The following KRIT1 variants were observed in gnomAD, a reference collection of about 807,000 sequenced individuals.
The protein encoded by KRIT1 is KRIT1 ankyrin repeat containing.
Under a neutral mutation model 95.8 loss-of-function variants are expected in KRIT1, and 45 were observed. The ratio of observed to expected loss-of-function variants is 0.47; its 90% CI spans 0.37 to 0.60. The LOEUF is 0.60. Among genes scored for constraint, KRIT1 ranks in the 20% least tolerant of loss-of-function variants. The probability of loss-of-function intolerance (pLI) is 0.00; values close to 1 mark genes in which losing one functional copy is unlikely to be tolerated. For synonymous variants in KRIT1, 282 were observed against 278.8 expected, an observed-to-expected ratio of 1.01 and a Z score of -0.11; for missense variants, 788 against 877.5, an observed-to-expected ratio of 0.90 and a Z score of 1.29.
chr7:92,226,796 G>C, intron 10 of KRIT1, 114 bp from the exon 11 acceptor site: 2 of 888,604 alleles, frequency 2.3e-6, no homozygotes, highest in Non-Finnish European at 3.5e-6. Context: ...AGAAATCTAA[G>C]AATTTTCTAG....
chr7:92,204,431 A>T (rs572253708), intron 17 of KRIT1, among the ~76,000 whole-genome samples: 42 of 152,072 alleles, frequency 2.8e-4, no homozygotes, highest in Non-Finnish European at 3.8e-4. Context: ...ATTCAAGCCC[A>T]TTTTATTTAT....
chr7:92,220,005 G>A (rs531781373), intron 14 of KRIT1, among the ~76,000 whole-genome samples: 4 of 152,156 alleles, frequency 2.6e-5, no homozygotes, highest in Admixed American at 6.5e-5. Flanking sequence ...AGTAGCTCTA[G>A]CTTTCTTGTG....
intron 3 of KRIT1, among the ~76,000 whole-genome samples, chr7:92,243,406 C>T: frequency 6.6e-6 from 1 of 152,020 alleles, no homozygotes; most frequent in East Asian, 1.9e-4. Context: ...TAAAGAGTTT[C>T]TTTCCCAGCT....
At chr7:92,208,570 C>G (rs1792072252) in intron 17 of KRIT1, among the ~76,000 whole-genome samples, 1 of 151,950 alleles carries the variant, frequency 6.6e-6, no homozygotes, top group South Asian at 2.1e-4. Context: ...TCCTTAGAGA[C>G]TATTAGGACC....
In KRIT1 at chr7:92,200,801, C is replaced by A; in HGVS notation, c.2146G>T (p.Gly716Cys). Residue 716 changes from glycine to cysteine, a missense_variant, in exon 19 of 19, where the codon GGT becomes TGT. Gly to Cys is a radical substitution (Grantham distance 159, BLOSUM62 -3). Around this residue, in one of 3 missense-constraint regions of KRIT1, gnomAD observed 493 missense variants for 582.3 expected, o/e 0.85. Transcript: ENST00000394505. ...MSFIVHTKQA[G>C]LVVKLLMKLN... is the part of the protein sequence containing the mutation. ...TTCATTAACAGTTTTACCACGAGAC[C>A]AGCCTACAAAGTAAAACATGTCAAT... is the stretch of plus-strand genomic sequence containing the variant. 6.3e-7 allele frequency: 1 copy of A among 1,596,568 alleles called. No homozygotes were observed. The highest frequency in any genetic ancestry group is 8.6e-7 in the Non-Finnish European group (1 of 1,164,268).
rs73407584 is a variant in KRIT1, at chr7:92,229,233, G to A, written c.990-2551C>T. On this transcript the variant is annotated intron_variant, in intron 10 of 18. Coordinates refer to ENST00000394505, the MANE Select transcript of KRIT1 (RefSeq NM_194454.3). Reference sequence around the variant, plus strand: ...CAGTATATAAGCGTTCCCTTTCTCTGCAACCTTGCCAGTATCTGTTATTTT... The same window carrying A: ...CAGTATATAAGCGTTCCCTTTCTCTACAACCTTGCCAGTATCTGTTATTTT... Among the ~76,000 whole-genome samples, 1,391 of 152,252 alleles carry A rather than the reference G, an allele frequency of 9.1e-3. 18 individuals are homozygous for A. Among genetic ancestry groups the A allele is most frequent in the African/African-American group, 0.031 (1,277 of 41,538 alleles).
chr7:92,228,007 C>T (rs958890442), intron 10 of KRIT1, among the ~76,000 whole-genome samples: 2 of 151,864 alleles, frequency 1.3e-5, no homozygotes, highest in East Asian at 2.0e-4. Flanking sequence ...AGCAAGACTC[C>T]GTCTCAGTGG....
rs1205643727 is a variant in KRIT1 at position 92,241,138 on chromosome 7, T to G, written c.117A>C (p.Glu39Asp). Residue 39 changes from glutamate (E) to aspartate (D), a missense_variant, in exon 5 of 19, where the codon GAA (glutamate) becomes GAC (aspartate). By Grantham distance (45) the Glu-to-Asp change is conservative (BLOSUM62 2). This residue lies in a region of KRIT1 where 289 missense variants were observed against 277.5 expected (regional missense o/e 1.04). Transcript: ENST00000394505. ...RAKSYEILLH[E>D]VPIEGQKKKR... is the part of the protein sequence containing the mutation. ...TTTTTTTCTGTCCTTCAATGGGAAC[T>G]TCATGCAACAAAATCTTAGATGAGA... The G allele has an allele frequency of 1.9e-6, 3 of 1,609,178 alleles. No homozygotes were observed. In the African/African-American group the frequency reaches 4.0e-5, roughly 21 times the overall value.
chr7:92,224,335 G>A (rs928352089), intron 12 of KRIT1, among the ~76,000 whole-genome samples: 6 of 152,220 alleles, frequency 3.9e-5, no homozygotes, highest in East Asian at 1.9e-4. Context: ...GCGGTGGCAC[G>A]TCTGTAGTCC....
chr7:92,223,337 A>C (rs6465354), intron 12 of KRIT1, among the ~76,000 whole-genome samples: 83,649 of 148,224 alleles, frequency 0.56, 24,896 homozygotes, highest in African/African-American at 0.76. Flanking sequence ...CCCAGCTACT[A>C]AGGAGGCTGA....
Position 92,237,726 on chromosome 7 carries a change from A to G in KRIT1, c.296T>C (p.Leu99Pro). ...KRVVLMKKFP[L>P]DGEKMGREAS... ...TTCTCTGCCCATCTTCTCTCCATCCAGAGGAAATTTTTTCATTAGTACAAC... is the reference window on the plus strand; with the variant it reads ...TTCTCTGCCCATCTTCTCTCCATCCGGAGGAAATTTTTTCATTAGTACAAC... Residue 99 changes from leucine to proline, a missense_variant, in exon 6 of 19, where the codon CTG becomes CCG. This residue lies in a region of KRIT1 where 289 missense variants were observed against 277.5 expected (regional missense o/e 1.04). Coordinates refer to ENST00000394505, the MANE Select transcript of KRIT1 (RefSeq NM_194454.3). 6.2e-7 allele frequency: 1 copy of G among 1,608,624 alleles called. No homozygotes were observed. The highest frequency in any genetic ancestry group is 8.5e-7 in the Non-Finnish European group (1 of 1,175,366).
intron 6 of KRIT1, 25 bp downstream of exon 6, chr7:92,237,642 T>C: frequency 7.3e-7 from 1 of 1,366,116 alleles, no homozygotes; most frequent in Non-Finnish European, 1.0e-6. Context: ...TATATAAAGA[T>C]TTGTAAGATA....
In KRIT1 at chr7:92,222,025, G is replaced by A. The variant is rs1321821110; in HGVS notation, c.1440C>T (p.Pro480=). The stretch of plus-strand genomic sequence containing the variant: ...CTGGCCAGTCACGAACATGTTGCAA[G>A]GGTTTATGATATGGTTTGAGTTGAA... ...LSLQLKPYHK[P]LQHVRDWPEI... is the part of the protein sequence containing the mutation. The change falls in exon 14 of 19, where the codon CCC becomes CCT. Residue 480 remains proline (P), a synonymous_variant. Transcript: ENST00000394505. 2.5e-6 allele frequency: 4 copies of A among 1,613,682 alleles called. No individual in the cohort carries two copies. The highest frequency in any genetic ancestry group is 3.4e-6 in the Non-Finnish European group (4 of 1,179,680).
chr7:92,204,654 AG>A (rs1046302439), intron 17 of KRIT1, among the ~76,000 whole-genome samples: 17 of 152,118 alleles, frequency 1.1e-4, no homozygotes, highest in South Asian at 4.1e-4. Context: ...AATTCAAAAG[AG>A]GGTTCATGTT....
At chr7:92,238,222 C>T (rs551067261) in intron 5 of KRIT1, among the ~76,000 whole-genome samples, 1 of 152,276 alleles carries the variant, frequency 6.6e-6, no homozygotes, top group South Asian at 2.1e-4. Flanking sequence ...GGGCTACAAA[C>T]TATTGTTCTA....
intron 16 of KRIT1, 118 bp downstream of exon 16, chr7:92,213,774 G>A: frequency 1.4e-6 from 1 of 706,446 alleles, no homozygotes; most frequent in Non-Finnish European, 2.6e-6. Context: ...TGAACTAGAA[G>A]ATACATTTTT....
rs564079957 is a variant in KRIT1 at position 92,221,855 on chromosome 7, C to T, written c.1563+47G>A. The T allele has an allele frequency of 4.5e-6, 7 of 1,545,534 alleles. No individual in the cohort carries two copies. The East Asian group carries it at 6.8e-5, about 15-fold the overall frequency. On this transcript the variant is annotated intron_variant, in intron 14 of 18. Transcript: ENST00000394505. ...TCTAGTGCTTACAATAGAAACTCAA[C>T]AGATTTTGTGCATTTAAATAACTGT... is the stretch of plus-strand genomic sequence containing the variant.
At position 92,200,742 on chromosome 7, in the gene KRIT1, A is replaced by G; in HGVS notation, c.2205T>C (p.Asn735=). ...AGTAACAGTTACTTCTCTTTCATGA[A>G]TTTCTTTCAGTGGGCATTAACTGTC... The part of the protein sequence containing the change: ...LNGQLMPTER[N]S Residue 735 remains asparagine, a synonymous_variant, in exon 19 of 19, where the codon AAT becomes AAC. Transcript: ENST00000394505. The G allele has an allele frequency of 6.3e-7, 1 of 1,598,218 alleles. No homozygotes were observed. The highest frequency in any genetic ancestry group is 1.7e-4 in the Middle Eastern group (1 of 6,012).
chr7:92,203,390 G>A (rs1259962947), intron 17 of KRIT1, among the ~76,000 whole-genome samples: 1 of 152,166 alleles, frequency 6.6e-6, no homozygotes, highest in Non-Finnish European at 1.5e-5. Context: ...TTTATCAGTG[G>A]TTTACAGAGA....
Sources: gnomAD v4.1 joint callset for allele counts (sites outside exome capture counted in the v4.1 genomes callset) on GRCh38, gnomAD v4.1.1 for gene constraint, gnomAD v4.1.1 regional missense constraint, MANE v1.5 for transcripts, NCBI Gene and HGNC (gene_info 2026-07-23, HGNC 2026-07-21) for gene names.